KSR2: variants seen among roughly 807,000 people sequenced by gnomAD.
KSR2 encodes kinase suppressor of ras 2.
In KSR2, 25 loss-of-function variants were observed where a neutral mutation model predicts 107.8. The ratio of observed to expected loss-of-function variants is 0.23; its 90% CI spans 0.17 to 0.32. The LOEUF (loss-of-function observed/expected upper bound fraction) is 0.32. Among genes scored for constraint, KSR2 ranks in the 10% least tolerant of loss-of-function variants. The pLI is 1.00. For synonymous variants in KSR2, 480 were observed against 507.0 expected (o/e 0.95, Z 0.71); for missense variants, 887 against 1,268.9 (o/e 0.70, Z 4.57).
chr12:117,916,066 A>C (rs10444502), intron 1 of KSR2, among the ~76,000 whole-genome samples: 61,196 of 150,918 alleles, frequency 0.41, 13,386 homozygotes, highest in East Asian at 0.7. Flanking sequence ...TGAGGGGCTG[A>C]AGATGAATTC....
At chr12:117,797,936 C>A (rs1367585606) in intron 3 of KSR2, among the ~76,000 whole-genome samples, 1 of 152,132 alleles carries the variant, frequency 6.6e-6, no homozygotes, top group Non-Finnish European at 1.5e-5. Flanking sequence ...CAGACATGAA[C>A]CACCACACCC....
In KSR2 at chr12:117,761,171, T is replaced by TGC. The variant is rs1183398013; in HGVS notation, c.824_825dup (p.Thr276AlafsTer5). 6.2e-7 allele frequency: 1 copy of TGC among 1,601,440 alleles called. No individual in the cohort carries two copies. Among genetic ancestry groups the TGC allele is most frequent in the Non-Finnish European group, 8.5e-7 (1 of 1,172,606 alleles). On this transcript the variant is annotated frameshift_variant, in exon 4 of 20. Transcript: ENST00000339824. LOFTEE classifies it high-confidence loss of function. ...TTGTTCTTCTTCCTCATGGGCGGCGTGCCCGGCGGGGTCACGGTGGTGACG... is the reference window on the plus strand; with the variant it reads ...TTGTTCTTCTTCCTCATGGGCGGCGTGCGCCCGGCGGGGTCACGGTGGTGACG...
chr12:117,593,509 C>G (rs1028073319), intron 5 of KSR2, among the ~76,000 whole-genome samples: 4 of 152,256 alleles, frequency 2.6e-5, no homozygotes, highest in Non-Finnish European at 5.9e-5. Flanking sequence ...GTCCAGGCAA[C>G]TAGGGGGACA....
intron 1 of KSR2, among the ~76,000 whole-genome samples, chr12:117,955,576 A>G (rs1030155910): frequency 6.6e-6 from 1 of 152,060 alleles, no homozygotes; most frequent in African/African-American, 2.4e-5. Flanking sequence ...TAAAGCACCC[A>G]TTTGAATTTG....
At chr12:117,747,279 G>T (rs1208909092) in intron 4 of KSR2, among the ~76,000 whole-genome samples, 2 of 152,166 alleles carry the variant, frequency 1.3e-5, no homozygotes, top group African/African-American at 4.8e-5. Flanking sequence ...CATGTCCTTT[G>T]CAGGGACATG....
chr12:117,553,338 T>C (rs1417911420), intron 9 of KSR2, among the ~76,000 whole-genome samples: 1 of 152,148 alleles, frequency 6.6e-6, no homozygotes, highest in Non-Finnish European at 1.5e-5. Context: ...AGGGACCAAA[T>C]TTTGCATGGG....
In KSR2 at chr12:117,945,582, G is replaced by A. The variant is rs555925440; in HGVS notation, c.180+22494C>T. On this transcript the variant is annotated intron_variant, in intron 1 of 19. Coordinates refer to ENST00000339824, the MANE Select transcript of KSR2 (RefSeq NM_173598.6). ...CCAGCTACTCGGGAGGCTGAGGCAG[G>A]AGAATTACTTGAACCTCGGAGGTAG... is the stretch of plus-strand genomic sequence containing the variant. Among the ~76,000 whole-genome samples the A allele has an allele frequency of 2.0e-5, 3 of 152,282 alleles. No individual in the cohort carries two copies. The South Asian group carries it at 6.2e-4, about 32-fold the overall frequency.
intron 3 of KSR2, among the ~76,000 whole-genome samples, chr12:117,785,374 C>A (rs947673829): frequency 1.5e-5 from 2 of 130,270 alleles, no homozygotes; most frequent in African/African-American, 2.8e-5. Flanking sequence ...AAGATCCTGC[C>A]ACTGCGCTAC....
rs60536021 is a variant in KSR2, at chr12:117,936,533, T to TTAG, written c.180+31540_180+31542dup. 1.0e-3 allele frequency among the ~76,000 whole-genome samples: 124 copies of TTAG among 119,676 alleles called. 1 individual carries two copies. Among genetic ancestry groups the TTAG allele is most frequent in the African/African-American group, 3.2e-3 (100 of 31,390 alleles). The allele number at this position is 119,676 out of a possible 152,430, so 78.5% of individuals were successfully genotyped here. On this transcript the variant is annotated intron_variant, in intron 1 of 19. Coordinates refer to ENST00000339824, the MANE Select transcript of KSR2 (RefSeq NM_173598.6). ...TATTTTATTATTATTATTATTATTA[T>TTAG]TAGTAGTAGTAGTAGTAGTAGTAGT... is the stretch of plus-strand genomic sequence containing the variant.
chr12:117,762,939 T>C (rs143956866), intron 3 of KSR2, among the ~76,000 whole-genome samples: 19,929 of 152,124 alleles, frequency 0.13, 1,847 homozygotes, highest in East Asian at 0.3. Flanking sequence ...GTGCACAATG[T>C]GCAGGTTAGT....
intron 14 of KSR2, among the ~76,000 whole-genome samples, chr12:117,494,761 G>A (rs1323422806): frequency 6.6e-6 from 1 of 152,246 alleles, no homozygotes; most frequent in Non-Finnish European, 1.5e-5. Context: ...TGGATAGAGA[G>A]TAGATGGAGT....
chr12:117,537,634 C>T (rs1325971894), intron 10 of KSR2, among the ~76,000 whole-genome samples: 2 of 152,198 alleles, frequency 1.3e-5, no homozygotes, highest in Non-Finnish European at 2.9e-5. Context: ...GAGATTTGAA[C>T]CTAAGCAGCT....
chr12:117,649,543 A>G (rs1338015363), intron 5 of KSR2, among the ~76,000 whole-genome samples: 1 of 152,206 alleles, frequency 6.6e-6, no homozygotes, highest in African/African-American at 2.4e-5. Flanking sequence ...TCAATCCATG[A>G]GAAAGGGATA....
At chr12:117,674,087 C>T (rs964015708) in intron 4 of KSR2, among the ~76,000 whole-genome samples, 7 of 152,302 alleles carry the variant, frequency 4.6e-5, no homozygotes, top group South Asian at 4.1e-4. Flanking sequence ...TAGGAAAATG[C>T]ATGTTTCCCA....
At chr12:117,935,899 G>A (rs189794684) in intron 1 of KSR2, among the ~76,000 whole-genome samples, 13 of 152,276 alleles carry the variant, frequency 8.5e-5, no homozygotes, top group African/African-American at 2.9e-4. Context: ...TCCCCCCAGA[G>A]GTCCCCGGGA....
intron 14 of KSR2, among the ~76,000 whole-genome samples, chr12:117,515,987 T>A (rs751143526): frequency 3.9e-5 from 6 of 152,100 alleles, no homozygotes; most frequent in Non-Finnish European, 1.5e-5. Context: ...AGCTGCACAG[T>A]GGGAACAATT....
intron 10 of KSR2, among the ~76,000 whole-genome samples, chr12:117,532,577 A>C (rs367634067): frequency 4.6e-5 from 7 of 152,226 alleles, no homozygotes; most frequent in African/African-American, 1.7e-4. Flanking sequence ...TTTGCGAATT[A>C]TTCTACCTAC....
At chr12:117,595,947 G>A (rs989345553) in intron 5 of KSR2, among the ~76,000 whole-genome samples, 3 of 152,126 alleles carry the variant, frequency 2.0e-5, no homozygotes, top group Non-Finnish European at 4.4e-5. Context: ...CATGGTGATT[G>A]CTTCAGGCAA....
At chr12:117,525,999 TG>T (rs1306662285) in intron 13 of KSR2, among the ~76,000 whole-genome samples, 1 of 152,132 alleles carries the variant, frequency 6.6e-6, no homozygotes, top group Non-Finnish European at 1.5e-5. Flanking sequence ...CATTGTAAAG[TG>T]GGGGTAATAA....
Sources: gnomAD v4.1 joint callset for allele counts (sites outside exome capture counted in the v4.1 genomes callset) on GRCh38, gnomAD v4.1.1 for gene constraint, MANE v1.5 for transcripts, NCBI Gene and HGNC (gene_info 2026-07-23, HGNC 2026-07-21) for gene names.